Variants in MYO15B observed in about 807,000 individuals in gnomAD.
The protein encoded by MYO15B is myosin XVB, also known as myosin XVB pseudogene.
A neutral mutation model predicts 119.3 loss-of-function variants in MYO15B; 207 were observed. The observed-to-expected ratio is 1.73, with a 90% CI of 1.55 to 1.95. MYO15B has a LOEUF of 1.95. MYO15B is among the 30% of genes most tolerant of loss of function. MYO15B has a pLI of 0.00. For synonymous variants in MYO15B, 966 were observed against 498.9 expected (o/e 1.94, Z -12.48); for missense variants, 2,264 against 1,203.1 (o/e 1.88, Z -13.04).
chr17:75,603,168 GCT>G lies in MYO15B; in HGVS notation c.3892-17_3892-16del, dbSNP rs1568149920. On this transcript the variant is annotated intron_variant, in intron 18 of 63. Coordinates refer to ENST00000645453, the Ensembl canonical transcript of MYO15B. ...GGCCCCTTGACTCCAGCTGTCTTTG[GCT>G]CTGTCTTGTGGCCACAGCTTCCAGG... The G allele has an allele frequency of 2.8e-6, 2 of 703,132 alleles. No homozygotes were observed. Among genetic ancestry groups the G allele is most frequent in the Non-Finnish European group, 5.2e-6 (2 of 385,022 alleles). 43.6% of individuals were successfully genotyped at this position (703,132 alleles called of 1,614,324 possible).
exon 59 of MYO15B, chr17:75,624,804 ACCT>A: frequency 2.8e-6 from 2 of 702,888 alleles, no homozygotes; most frequent in Non-Finnish European, 5.2e-6. Flanking sequence ...CCCGCCGAAT[ACCT>A]CAACAGCGTG....
intron 1 of MYO15B, 151 bp from the exon 2 acceptor site, chr17:75,590,475 C>T (rs2056367591): frequency 7.6e-6 from 3 of 392,924 alleles, no homozygotes; most frequent in Non-Finnish European, 1.3e-5. Flanking sequence ...TCCTTGTAGC[C>T]TGCGCATTAC....
exon 58 of MYO15B, chr17:75,624,574 G>A (rs1258981526): frequency 1.8e-5 from 13 of 702,876 alleles, no homozygotes; most frequent in Admixed American, 8.0e-5. Flanking sequence ...GAGCTGTGCC[G>A]GCAAATGGGT....
At chr17:75,625,886 G>C (rs936208077) in exon 62 of MYO15B, 12 of 702,856 alleles carry the variant, frequency 1.7e-5, no homozygotes, top group Non-Finnish European at 3.1e-5. Flanking sequence ...ACCGTCTATG[G>C]GGTGCTGCGA....
At chr17:75,592,299 C>G (rs2056520577) in exon 7 of MYO15B, 3 of 702,846 alleles carry the variant, frequency 4.3e-6, no homozygotes, top group South Asian at 1.5e-5. Context: ...GGTGGTGTTT[C>G]AGGTAAAGGC....
At chr17:75,610,537 C>T (rs909001789) in intron 22 of MYO15B, among the ~76,000 whole-genome samples, 14 of 152,222 alleles carry the variant, frequency 9.2e-5, no homozygotes, top group African/African-American at 3.1e-4. Context: ...CCCTGGGCCC[C>T]GTCCGCTCCC....
At position 75,621,556 on chromosome 17, in the gene MYO15B, T is replaced by C. The variant is rs777895890; in HGVS notation, c.7991T>C (p.Val2664Ala). ...AGTGATGATGTGAGCAAGCTGGCTG[T>C]AGCCAGCTTCCTGGGTGAGTGGCCA... The change falls in exon 52 of 64, where the codon GTA (valine) becomes GCA (alanine). Residue 2664 changes from valine (V) to alanine (A), a missense_variant. Transcript: ENST00000645453. The C allele has an allele frequency of 4.3e-6, 3 of 701,754 alleles. No individual in the cohort carries two copies. In the South Asian group the frequency reaches 4.4e-5, roughly 10 times the overall value. 43.5% of individuals were successfully genotyped at this position (701,754 alleles called of 1,614,324 possible).
rs2147683436 is a variant in MYO15B, at chr17:75,589,921, A to C, written c.1864A>C (p.Ser622Arg). Reference sequence around the variant, plus strand: ...TTCCCTCGACGAGAGCGGCTCCAGCAGTGAGGCGGAGTTGGAGACCCTCAA... The same window carrying C: ...TTCCCTCGACGAGAGCGGCTCCAGCCGTGAGGCGGAGTTGGAGACCCTCAA... The change falls in exon 1 of 64, where the codon AGT (serine) becomes CGT (arginine). Residue 622 changes from serine to arginine, a missense_variant. Coordinates refer to ENST00000645453, the Ensembl canonical transcript of MYO15B. The surrounding 1 kb of genome is among the most constrained non-coding windows in gnomAD (Gnocchi z 4.2). The C allele has an allele frequency of 2.5e-6, 1 of 398,598 alleles. No individual in the cohort carries two copies. The highest frequency in any genetic ancestry group is 3.6e-5 in the East Asian group (1 of 28,066). The allele number at this position is 398,598 out of a possible 1,614,324, so 24.7% of individuals were successfully genotyped here. A position where few individuals can be genotyped will look rare whatever the true frequency, so the allele number is the denominator to read the frequency against.
chr17:75,597,613 G>C (rs1328717959), intron 14 of MYO15B, among the ~76,000 whole-genome samples: 1 of 152,260 alleles, frequency 6.6e-6, no homozygotes, highest in Non-Finnish European at 1.5e-5. Context: ...TGCAGCAGGA[G>C]AGAAATGTTC....
chr17:75,619,565 G>T, intron 45 of MYO15B, 89 bp downstream of exon 45: 1 of 683,106 alleles, frequency 1.5e-6, no homozygotes, highest in East Asian at 2.7e-5. Context: ...CAGGAGAGCC[G>T]GGGAGCAGAC....
chr17:75,602,426 G>A (rs746955900), intron 15 of MYO15B, 91 bp from the exon 16 acceptor site: 16 of 702,200 alleles, frequency 2.3e-5, no homozygotes, highest in Non-Finnish European at 3.4e-5. Context: ...GGAGAGGGTA[G>A]ATTCTTCTCC....
chr17:75,587,973 G>C (rs1188898993), exon 1 of MYO15B: 11 of 397,376 alleles, frequency 2.8e-5, no homozygotes, highest in Non-Finnish European at 3.1e-5. Flanking sequence ...GTGGTGCACT[G>C]CACAGAAGGT....
exon 40 of MYO15B, chr17:75,616,905 C>G (rs2058407579): frequency 1.4e-6 from 1 of 703,004 alleles, no homozygotes; most frequent in African/African-American, 1.7e-5. Context: ...GAAAATCGAC[C>G]CCAAGGACGA....
exon 1 of MYO15B, chr17:75,588,388 G>C (rs1398120233): frequency 1.8e-5 from 7 of 398,538 alleles, no homozygotes; most frequent in Non-Finnish European, 8.8e-6. Flanking sequence ...GGGGCGCCTG[G>C]AGGAGGGAAG....
chr17:75,607,155 C>T, intron 21 of MYO15B: 1 of 390,726 alleles, frequency 2.6e-6, no homozygotes, highest in Non-Finnish European at 4.5e-6. Flanking sequence ...AGCCAGGCAT[C>T]TCCACTATCT....
At chr17:75,624,491 T>A (rs1481938761) in intron 57 of MYO15B, 44 bp downstream of exon 57, 1 of 703,028 alleles carries the variant, frequency 1.4e-6, no homozygotes, top group East Asian at 2.7e-5. Context: ...GGGCATCAGT[T>A]CTGGGTCCCC....
At chr17:75,600,602 TGAGACGGA>T (rs2057204769) in intron 14 of MYO15B, 1 of 53,608 alleles carries the variant, frequency 1.9e-5, no homozygotes, top group African/African-American at 4.4e-5. Context: ...TTTTTTTTTT[TGAGACGGA>T]GTTTGGTTCT....
At chr17:75,610,916 G>A (rs2057985499) in exon 23 of MYO15B, 1 of 703,070 alleles carries the variant, frequency 1.4e-6, no homozygotes, top group Non-Finnish European at 2.6e-6. Context: ...CGTTGGCAGG[G>A]CTGGCATAGC....
At chr17:75,623,816 C>T (rs1324861463) in exon 54 of MYO15B, 1 of 703,018 alleles carries the variant, frequency 1.4e-6, no homozygotes. Context: ...ATGAGATTTA[C>T]TGCCAGGTTA....
Sources: allele counts gnomAD v4.1 joint callset (sites outside exome capture counted in the v4.1 genomes callset), GRCh38; gene constraint gnomAD v4.1.1; non-coding constraint Gnocchi (gnomAD v3.1); transcripts MANE v1.5; gene names NCBI Gene and HGNC (gene_info 2026-07-23, HGNC 2026-07-21).